The following EDIL3 variants were observed in gnomAD, a reference collection of about 807,000 sequenced individuals.
EDIL3 encodes the protein EGF-like repeat and discoidin I-like domain-containing protein 3.
Under a neutral mutation model 67.4 loss-of-function variants are expected in EDIL3, and 37 were observed. The observed-to-expected ratio is 0.55, with a 90% confidence interval of 0.42 to 0.72. The LOEUF (loss-of-function observed/expected upper bound fraction) is 0.72, where lower values mean the gene tolerates loss of function less well. EDIL3 is among the 30% of genes least tolerant of loss of function. The pLI, the probability that EDIL3 is intolerant of heterozygous loss-of-function variation, is 0.00. For missense variants in EDIL3, 527 were observed against 586.3 expected (o/e 0.90, Z 1.04); for synonymous variants, 195 against 196.3 (o/e 0.99, Z 0.05).
chr5:84,190,666 T>C (rs935239108), intron 3 of EDIL3, among the ~76,000 whole-genome samples: 15 of 151,416 alleles, frequency 9.9e-5, no homozygotes, highest in African/African-American at 3.4e-4. Context: ...TTTCACATAG[T>C]GTCTCTAAGC....
At chr5:84,045,963 T>C (rs921345740) in intron 9 of EDIL3, among the ~76,000 whole-genome samples, 2 of 152,236 alleles carry the variant, frequency 1.3e-5, no homozygotes, top group African/African-American at 4.8e-5. Flanking sequence ...GTCTCTAGGA[T>C]AAACCAAAGC....
At chr5:83,992,052 T>A (rs1745159379) in intron 9 of EDIL3, among the ~76,000 whole-genome samples, 1 of 152,186 alleles carries the variant, frequency 6.6e-6, no homozygotes, top group African/African-American at 2.4e-5. Flanking sequence ...ACCAGTGGTA[T>A]TCAAGAATGC....
intron 5 of EDIL3, among the ~76,000 whole-genome samples, chr5:84,120,262 T>C (rs1747752949): frequency 2.6e-5 from 4 of 151,986 alleles, no homozygotes; most frequent in Admixed American, 1.3e-4. Context: ...GGCTTTTATT[T>C]TGATACAGAA....
chr5:84,359,793 G>A (rs991447241), intron 1 of EDIL3, among the ~76,000 whole-genome samples: 21 of 152,146 alleles, frequency 1.4e-4, no homozygotes, highest in Admixed American at 5.2e-4. Context: ...TGAGAGAATA[G>A]GAACTGCAGC....
At chr5:84,383,512 G>T (rs139074380) in intron 1 of EDIL3, among the ~76,000 whole-genome samples, 4 of 152,286 alleles carry the variant, frequency 2.6e-5, no homozygotes, top group Non-Finnish European at 5.9e-5. Flanking sequence ...GCAATTCACA[G>T]AAGGCATCAC....
At chr5:84,109,739 T>A (rs1397632183) in intron 5 of EDIL3, among the ~76,000 whole-genome samples, 1 of 152,096 alleles carries the variant, frequency 6.6e-6, no homozygotes, top group African/African-American at 2.4e-5. Context: ...AACAGTTGCA[T>A]ACCACACTCT....
chr5:84,082,961 C>T (rs72774786), intron 6 of EDIL3, among the ~76,000 whole-genome samples: 9,920 of 152,222 alleles, frequency 0.065, 457 homozygotes, highest in Middle Eastern at 0.12. Context: ...TCTCTTAACA[C>T]GTCCCCTGAT....
chr5:84,325,210 A>G (rs967328825), intron 1 of EDIL3, among the ~76,000 whole-genome samples: 5 of 151,952 alleles, frequency 3.3e-5, no homozygotes, highest in African/African-American at 9.7e-5. Context: ...TGGAGTCTAT[A>G]ATTATAAATC....
Position 84,377,497 on chromosome 5 carries a change from G to A in EDIL3, c.67+6811C>T, listed in dbSNP as rs1747992969. Among the ~76,000 whole-genome samples, 2 of 151,968 alleles carry A rather than the reference G, an allele frequency of 1.3e-5. 1 individual carries two copies. Among genetic ancestry groups the A allele is most frequent in the Non-Finnish European group, 2.9e-5 (2 of 68,006 alleles). On this transcript the variant is annotated intron_variant, in intron 1 of 10. Transcript: ENST00000296591. ...TTGTGTCATGAGCCCATTTCATCCT[G>A]GCTGACCTCAAATAATCCCCAGAAT... is the stretch of plus-strand genomic sequence containing the variant.
intron 6 of EDIL3, among the ~76,000 whole-genome samples, chr5:84,103,175 A>G (rs1747398565): frequency 6.6e-6 from 1 of 152,112 alleles, no homozygotes; most frequent in African/African-American, 2.4e-5. Flanking sequence ...TAGGCAGAAG[A>G]TTGAAACTGG....
chr5:84,293,105 T>A (rs960065933), intron 1 of EDIL3, among the ~76,000 whole-genome samples: 6 of 152,210 alleles, frequency 3.9e-5, no homozygotes, highest in African/African-American at 1.4e-4. Flanking sequence ...TTCTGTTTGC[T>A]TATTGTGACC....
intron 9 of EDIL3, among the ~76,000 whole-genome samples, chr5:84,039,302 G>A (rs974370538): frequency 2.6e-5 from 4 of 151,946 alleles, no homozygotes; most frequent in Non-Finnish European, 5.9e-5. Flanking sequence ...ATATAATAAA[G>A]GCTACTGAGT....
chr5:84,136,350 A>G (rs1223687918), intron 5 of EDIL3, among the ~76,000 whole-genome samples: 1 of 152,210 alleles, frequency 6.6e-6, no homozygotes, highest in Non-Finnish European at 1.5e-5. Flanking sequence ...CAGTAGCAGT[A>G]TGAACTTTCC....
chr5:83,987,350 T>A (rs2112155344), intron 9 of EDIL3, among the ~76,000 whole-genome samples: 1 of 152,304 alleles, frequency 6.6e-6, no homozygotes, highest in Middle Eastern at 3.4e-3. Context: ...TTTTATAACT[T>A]TTTAAAAAGT....
At chr5:84,255,784 C>T (rs1449121179) in intron 1 of EDIL3, among the ~76,000 whole-genome samples, 1 of 152,126 alleles carries the variant, frequency 6.6e-6, no homozygotes, top group African/African-American at 2.4e-5. Flanking sequence ...TACCTAAGTG[C>T]TGGAGCAGAC....
chr5:84,219,381 C>T (rs564772982), intron 3 of EDIL3, among the ~76,000 whole-genome samples: 113 of 152,130 alleles, frequency 7.4e-4, no homozygotes, highest in African/African-American at 2.5e-3. Flanking sequence ...GCAAGTAGGT[C>T]TATGAAAAGG....
At chr5:84,062,424 T>C (rs1443620476) in intron 8 of EDIL3, among the ~76,000 whole-genome samples, 1 of 152,092 alleles carries the variant, frequency 6.6e-6, no homozygotes, top group East Asian at 1.9e-4. Context: ...TGATATAACA[T>C]AGTATTGAAG....
At chr5:84,108,335 T>C (rs947788973) in intron 5 of EDIL3, among the ~76,000 whole-genome samples, 15 of 152,102 alleles carry the variant, frequency 9.9e-5, no homozygotes, top group Non-Finnish European at 1.8e-4. Context: ...TCAGACTGTA[T>C]TAGTAAAGAC....
At chr5:84,348,306 G>A (rs1264185452) in intron 1 of EDIL3, among the ~76,000 whole-genome samples, 1 of 152,056 alleles carries the variant, frequency 6.6e-6, no homozygotes, top group Non-Finnish European at 1.5e-5. Flanking sequence ...CTTGTTCCAG[G>A]AAAAGCCTTT....
Sources: allele counts gnomAD v4.1 joint callset (sites outside exome capture counted in the v4.1 genomes callset), GRCh38; gene constraint gnomAD v4.1.1; transcripts MANE v1.5; gene names NCBI Gene and HGNC (gene_info 2026-07-23, HGNC 2026-07-21).